Variants in SLC24A2 observed in about 807,000 individuals in gnomAD.
SLC24A2 encodes the protein solute carrier family 24 member 2, also known as sodium/potassium/calcium exchanger 2.
A neutral mutation model predicts 62.0 loss-of-function variants in SLC24A2; 36 were observed. The observed-to-expected ratio is 0.58, with a 90% CI of 0.44 to 0.77. SLC24A2 has a LOEUF of 0.77. Ranked by LOEUF, SLC24A2 falls within the 30% of genes least tolerant of loss-of-function variation. The pLI, the probability that SLC24A2 is intolerant of heterozygous loss-of-function variation, is 0.00. For missense variants in SLC24A2, 846 were observed against 817.9 expected (o/e 1.03, Z -0.42); for synonymous variants, 358 against 294.0 (o/e 1.22, Z -2.23).
the SLC24A2 span, among the ~76,000 whole-genome samples, chr9:20,271,083 C>T: frequency 3.3e-5 from 5 of 152,180 alleles, no homozygotes; most frequent in African/African-American, 1.2e-4. Context: ...CTATCTTACT[C>T]TCGCTTTAAG....
chr9:20,226,965 A>G, the SLC24A2 span, among the ~76,000 whole-genome samples: 57 of 152,234 alleles, frequency 3.7e-4, no homozygotes, highest in Admixed American at 3.9e-4. Flanking sequence ...CCTAATGGTA[A>G]GAACAAACTT....
chr9:20,055,272 T>C, the SLC24A2 span, among the ~76,000 whole-genome samples: 4 of 152,310 alleles, frequency 2.6e-5, no homozygotes, highest in East Asian at 7.7e-4. Flanking sequence ...AAATTTTTCA[T>C]TAGGTAATTC....
At chr9:19,706,148 T>G (rs1587187362) in intron 2 of SLC24A2, among the ~76,000 whole-genome samples, 1 of 151,636 alleles carries the variant, frequency 6.6e-6, no homozygotes, top group African/African-American at 2.4e-5. Flanking sequence ...TTAGGATAGT[T>G]AGCTCTTCTT....
the SLC24A2 span, among the ~76,000 whole-genome samples, chr9:20,116,502 G>A: frequency 3.9e-5 from 6 of 152,048 alleles, no homozygotes; most frequent in East Asian, 3.9e-4. Context: ...GGCTAACTTC[G>A]CTCTTCGTAG....
At chr9:19,920,356 G>A in the SLC24A2 span, among the ~76,000 whole-genome samples, 9 of 152,170 alleles carry the variant, frequency 5.9e-5, no homozygotes, top group African/African-American at 2.2e-4. Flanking sequence ...AGTTGCCAAT[G>A]ATTAATTCAT....
chr9:19,734,009 G>T (rs891549189), intron 2 of SLC24A2, among the ~76,000 whole-genome samples: 1 of 152,184 alleles, frequency 6.6e-6, no homozygotes, highest in African/African-American at 2.4e-5. Context: ...ATAGAGGCAA[G>T]TCTCTCTGAG....
the SLC24A2 span, among the ~76,000 whole-genome samples, chr9:19,956,189 T>TC: frequency 1.3e-5 from 2 of 152,142 alleles, no homozygotes; most frequent in South Asian, 4.1e-4. Context: ...AGATCCTAGG[T>TC]CCCCCTAACT....
chr9:19,902,516 T>C, the SLC24A2 span, among the ~76,000 whole-genome samples: 1 of 152,162 alleles, frequency 6.6e-6, no homozygotes, highest in Non-Finnish European at 1.5e-5. Flanking sequence ...CTCCTCCTCA[T>C]CATGATCATC....
At chr9:19,673,959 T>C (rs562612478) in intron 2 of SLC24A2, among the ~76,000 whole-genome samples, 6 of 152,206 alleles carry the variant, frequency 3.9e-5, no homozygotes, top group Non-Finnish European at 8.8e-5. Context: ...GTATTTTTGT[T>C]TTAGAGGTTC....
At chr9:20,226,319 G>T in the SLC24A2 span, among the ~76,000 whole-genome samples, 1 of 152,106 alleles carries the variant, frequency 6.6e-6, no homozygotes, top group Non-Finnish European at 1.5e-5. Context: ...AAGCATATGG[G>T]AAATTTGCAG....
chr9:20,267,317 G>A, the SLC24A2 span, among the ~76,000 whole-genome samples: 1 of 152,006 alleles, frequency 6.6e-6, no homozygotes, highest in Non-Finnish European at 1.5e-5. Context: ...ACTCAAATTT[G>A]TCCAGGTCTC....
intron 8 of SLC24A2, among the ~76,000 whole-genome samples, chr9:19,543,823 A>G (rs968207489): frequency 6.6e-6 from 1 of 152,046 alleles, no homozygotes; most frequent in African/African-American, 2.4e-5. Flanking sequence ...ATTCTTTTGC[A>G]TTTGCTGAGG....
At chr9:19,643,724 G>T (rs938892807) in intron 2 of SLC24A2, among the ~76,000 whole-genome samples, 1 of 152,168 alleles carries the variant, frequency 6.6e-6, no homozygotes, top group African/African-American at 2.4e-5. Flanking sequence ...AGTCTGCAAA[G>T]AACTTGTAAT....
At chr9:19,867,067 T>A in the SLC24A2 span, among the ~76,000 whole-genome samples, 1 of 152,156 alleles carries the variant, frequency 6.6e-6, no homozygotes, top group African/African-American at 2.4e-5. Flanking sequence ...AAGAGTATAA[T>A]TGGATTGTTT....
At chr9:19,530,285 A>G (rs1458718304) in intron 8 of SLC24A2, among the ~76,000 whole-genome samples, 1 of 152,094 alleles carries the variant, frequency 6.6e-6, no homozygotes, top group African/African-American at 2.4e-5. Flanking sequence ...AGGAAAGAGA[A>G]GAACCCTCTT....
the SLC24A2 span, among the ~76,000 whole-genome samples, chr9:19,843,636 A>G: frequency 2.6e-5 from 4 of 152,142 alleles, no homozygotes; most frequent in Non-Finnish European, 5.9e-5. Flanking sequence ...GGTAGTAAGC[A>G]CAGGGCCCAA....
At chr9:19,933,078 G>C in the SLC24A2 span, among the ~76,000 whole-genome samples, 1 of 152,242 alleles carries the variant, frequency 6.6e-6, no homozygotes, top group African/African-American at 2.4e-5. Context: ...ACTTGGGGAA[G>C]AGGCTTGAGC....
the SLC24A2 span, among the ~76,000 whole-genome samples, chr9:19,873,570 C>T: frequency 2.7e-5 from 4 of 147,238 alleles, no homozygotes; most frequent in Admixed American, 6.9e-5. Flanking sequence ...CTCTCTTTCT[C>T]TCCTTTCCTT....
the SLC24A2 span, among the ~76,000 whole-genome samples, chr9:19,933,065 T>A: frequency 6.6e-6 from 1 of 152,244 alleles, no homozygotes; most frequent in South Asian, 2.1e-4. Flanking sequence ...GCGGGGAGGA[T>A]GGACTTGGGG....
Sources: allele counts gnomAD v4.1 joint callset (sites outside exome capture counted in the v4.1 genomes callset), GRCh38; gene constraint gnomAD v4.1.1; transcripts MANE v1.5; gene names NCBI Gene and HGNC (gene_info 2026-07-23, HGNC 2026-07-21).